The following SLC36A2 variants were observed in gnomAD, a reference collection of about 807,000 sequenced individuals.
SLC36A2 encodes solute carrier family 36 member 2, also known as proton-coupled amino acid transporter 2.
In SLC36A2, 39 loss-of-function variants were observed where a neutral mutation model predicts 42.7. The observed-to-expected ratio is 0.91, with a 90% CI of 0.71 to 1.19. The LOEUF (loss-of-function observed/expected upper bound fraction) is 1.19. SLC36A2 is among the 50% of genes most tolerant of loss of function. The probability of loss-of-function intolerance (pLI) is 0.00; values close to 1 mark genes in which losing one functional copy is unlikely to be tolerated. For missense variants in SLC36A2, 590 were observed against 613.7 expected (o/e 0.96, Z 0.41); for synonymous variants, 237 against 240.8 (o/e 0.98, Z 0.15).
chr5:151,345,376 C>T (rs555197530), intron 1 of SLC36A2, among the ~76,000 whole-genome samples: 2 of 152,278 alleles, frequency 1.3e-5, no homozygotes, highest in East Asian at 1.9e-4. Context: ...TCTTGGGCAA[C>T]GTGTTCAACT....
chr5:151,327,662 C>G (rs977470320), intron 7 of SLC36A2, among the ~76,000 whole-genome samples: 4 of 152,016 alleles, frequency 2.6e-5, no homozygotes, highest in African/African-American at 9.7e-5. Context: ...GCTCTTGCAC[C>G]CTGTAACACA....
chr5:151,318,260 A>C (rs1755561041), intron 9 of SLC36A2, among the ~76,000 whole-genome samples: 1 of 151,992 alleles, frequency 6.6e-6, no homozygotes, highest in South Asian at 2.1e-4. Flanking sequence ...GCTCTTACTT[A>C]ATAAATAACA....
chr5:151,321,345 C>CTT (rs1163117468), intron 9 of SLC36A2, among the ~76,000 whole-genome samples: 3 of 43,194 alleles, frequency 6.9e-5, no homozygotes, highest in Admixed American at 3.5e-4. Flanking sequence ...TCTTTTCTTT[C>CTT]TTTTTTTTTT....
intron 2 of SLC36A2, 43 bp downstream of exon 2, chr5:151,344,134 C>G (rs1346860310): frequency 6.3e-7 from 1 of 1,577,736 alleles, no homozygotes; most frequent in Non-Finnish European, 8.7e-7. Context: ...TACTTCCCTT[C>G]TGCAACTGAC....
chr5:151,321,555 G>C (rs1424250394), intron 9 of SLC36A2, among the ~76,000 whole-genome samples: 4 of 151,962 alleles, frequency 2.6e-5, no homozygotes, highest in African/African-American at 4.8e-5. Context: ...TGTCTAATTA[G>C]GTACATGTAA....
chr5:151,342,977 G>T lies in SLC36A2; in HGVS notation c.351C>A (p.Asn117Lys). 6.2e-7 allele frequency: 1 copy of T among 1,613,748 alleles called. No homozygotes were observed. Among genetic ancestry groups the T allele is most frequent in the South Asian group, 1.1e-5 (1 of 91,080 alleles). ...KCAQRFCKRLNKPFMDYGDTV... is the reference protein window; with the variant it reads ...KCAQRFCKRLKKPFMDYGDTV... ...TGTCCCCATAGTCCATAAAGGGCTT[G>T]TTAAGCCTGCAGGAGAGAGTGCATA... Residue 117 changes from asparagine to lysine, a missense_variant, in exon 4 of 10, where the codon AAC becomes AAA. By Grantham distance (94) the Asn-to-Lys change is moderately conservative (BLOSUM62 0). Transcript: ENST00000335244.
chr5:151,344,920 A>G (rs1239455173), intron 1 of SLC36A2, among the ~76,000 whole-genome samples: 3 of 152,190 alleles, frequency 2.0e-5, no homozygotes, highest in Non-Finnish European at 4.4e-5. Flanking sequence ...CTGGGTCCCC[A>G]GATGAGGTCT....
In SLC36A2 at chr5:151,327,205, C is replaced by T. The variant is rs78292076; in HGVS notation, c.844-1753G>A. On this transcript the variant is annotated intron_variant, in intron 7 of 9. Transcript: ENST00000335244. ...TGTTGGCGGTTGTTATTTTTTAATA[C>T]TGTGAAGACCGTAACTCTATGAAGT... is the stretch of plus-strand genomic sequence containing the variant. Among the ~76,000 whole-genome samples, 571 of 152,136 alleles carry T rather than the reference C, an allele frequency of 3.8e-3. 3 individuals carry two copies. The highest frequency in any genetic ancestry group is 0.013 in the African/African-American group (541 of 41,460).
intron 2 of SLC36A2, 56 bp from the exon 3 acceptor site, chr5:151,343,654 G>A: frequency 6.7e-7 from 1 of 1,484,576 alleles, no homozygotes; most frequent in South Asian, 1.1e-5. Context: ...CATTTATGAA[G>A]AATACTGCAA....
chr5:151,344,028 A>G (rs1175223030), intron 2 of SLC36A2, 149 bp downstream of exon 2: 6 of 761,184 alleles, frequency 7.9e-6, no homozygotes, highest in Non-Finnish European at 9.2e-6. Flanking sequence ...CCGGAACTCA[A>G]ACCCAGGCTA....
At chr5:151,329,533 G>A (rs564135676) in intron 7 of SLC36A2, among the ~76,000 whole-genome samples, 5 of 152,234 alleles carry the variant, frequency 3.3e-5, no homozygotes, top group Admixed American at 2.0e-4. Flanking sequence ...TAATATAACC[G>A]TACTCCAAAA....
chr5:151,326,812 C>CT lies in SLC36A2; in HGVS notation c.844-1361dup, dbSNP rs5872202. ...TGAAAACGGGCTCAAATGAATTTACCTTTTTTTTTTTTTCTTTTTTGGAGA... is the reference window on the plus strand; with the variant it reads ...TGAAAACGGGCTCAAATGAATTTACCTTTTTTTTTTTTTTCTTTTTTGGAGA... On this transcript the variant is annotated intron_variant, in intron 7 of 9. Coordinates refer to ENST00000335244, the MANE Select transcript of SLC36A2 (RefSeq NM_181776.3). Among the ~76,000 whole-genome samples, 1,451 of 142,292 alleles carry CT rather than the reference C, an allele frequency of 0.01. 63 individuals carry two copies. In the East Asian group the frequency reaches 0.13, roughly 12 times the overall value. 93.3% of individuals were successfully genotyped at this position (142,292 alleles called of 152,430 possible).
chr5:151,347,256 G>T (rs780863465), intron 1 of SLC36A2, 41 bp downstream of exon 1: 3 of 1,612,736 alleles, frequency 1.9e-6, no homozygotes, highest in Non-Finnish European at 2.5e-6. Context: ...CAAGCTTCAG[G>T]CTAGAAAGCA....
intron 2 of SLC36A2, 142 bp downstream of exon 2, chr5:151,344,035 G>T (rs1481585578): frequency 9.0e-6 from 7 of 778,612 alleles, no homozygotes; most frequent in Non-Finnish European, 1.6e-5. Context: ...TCAAACCCAG[G>T]CTAGATGTCT....
intron 9 of SLC36A2, among the ~76,000 whole-genome samples, chr5:151,318,676 T>C (rs997128256): frequency 1.2e-4 from 18 of 150,146 alleles, no homozygotes; most frequent in Admixed American, 2.7e-4. Context: ...AACATGAGTA[T>C]AAGAACCTTT....
chr5:151,316,763 A>AAAC lies in SLC36A2; in HGVS notation c.*53_*54insGTT. The stretch of plus-strand genomic sequence containing the variant: ...CTCAAAAAAAAAAAAAAAAAAAAAA[A>AAAC]GAGATCCATATAATTAAAAGTCGGG... On this transcript the variant is annotated 3_prime_UTR_variant, in exon 10 of 10. Transcript: ENST00000335244. 4.0e-6 allele frequency: 6 copies of AAAC among 1,490,264 alleles called. No individual in the cohort carries two copies. The highest frequency in any genetic ancestry group is 4.5e-6 in the Non-Finnish European group (5 of 1,102,396). The allele number at this position is 1,490,264 out of a possible 1,614,324, so 92.3% of individuals were successfully genotyped here.
chr5:151,321,266 G>A (rs1223908855), intron 9 of SLC36A2, among the ~76,000 whole-genome samples: 1 of 151,678 alleles, frequency 6.6e-6, no homozygotes, highest in Non-Finnish European at 1.5e-5. Context: ...CTGGGCTCAA[G>A]CAATCTTCCC....
Position 151,339,135 on chromosome 5 carries a change from C to A in SLC36A2, c.450G>T (p.Val150=). The A allele has an allele frequency of 6.2e-7, 1 of 1,607,322 alleles. No individual in the cohort carries two copies. The highest frequency in any genetic ancestry group is 1.1e-5 in the South Asian group (1 of 90,870). The part of the protein sequence containing the change: ...QNHAHWGRHI[V]SFFLIITQLG... ...GTTGGGTGATAATAAGGAAGAAGCTCACGATATGCCTAGAAGGGAGAAGAG... is the reference window on the plus strand; with the variant it reads ...GTTGGGTGATAATAAGGAAGAAGCTAACGATATGCCTAGAAGGGAGAAGAG... The change falls in exon 5 of 10, where the codon GTG becomes GTT. Residue 150 remains valine, a synonymous_variant. Transcript: ENST00000335244.
chr5:151,321,250 A>G (rs755538278), intron 9 of SLC36A2, among the ~76,000 whole-genome samples: 1 of 150,666 alleles, frequency 6.6e-6, no homozygotes, highest in Non-Finnish European at 1.5e-5. Context: ...CTGCAGCCTC[A>G]GCCTCCTGGG....
Sources: gnomAD v4.1 joint callset for allele counts (sites outside exome capture counted in the v4.1 genomes callset) on GRCh38, gnomAD v4.1.1 for gene constraint, MANE v1.5 for transcripts, NCBI Gene and HGNC (gene_info 2026-07-23, HGNC 2026-07-21) for gene names.